The following SLC24A2 variants were observed in gnomAD, a reference collection of about 807,000 sequenced individuals.
SLC24A2 encodes solute carrier family 24 member 2.
SLC24A2 carries 36 observed loss-of-function variants against 62.0 expected under a neutral mutation model. The ratio of observed to expected loss-of-function variants is 0.58; its 90% CI spans 0.44 to 0.77. The LOEUF is 0.77. SLC24A2 is among the 30% of genes least tolerant of loss of function. The pLI is 0.00. For synonymous variants in SLC24A2, 358 were observed against 294.0 expected (o/e 1.22, Z -2.23); for missense variants, 846 against 817.9 (o/e 1.03, Z -0.42).
chr9:19,960,500 C>A, the SLC24A2 span, among the ~76,000 whole-genome samples: 11 of 152,162 alleles, frequency 7.2e-5, no homozygotes, highest in Non-Finnish European at 1.5e-4. Context: ...GAGACTGGAA[C>A]CTTGGGCTGC....
chr9:19,885,819 C>T, the SLC24A2 span, among the ~76,000 whole-genome samples: 1 of 152,098 alleles, frequency 6.6e-6, no homozygotes, highest in South Asian at 2.1e-4. Context: ...CTCATTGTTT[C>T]GGTTCCATTT....
chr9:20,175,115 T>C, the SLC24A2 span, among the ~76,000 whole-genome samples: 4 of 152,010 alleles, frequency 2.6e-5, no homozygotes, highest in East Asian at 1.9e-4. Flanking sequence ...ACTATTATTC[T>C]AAGTGAAGTA....
At chr9:19,667,427 G>C (rs568626578) in intron 2 of SLC24A2, among the ~76,000 whole-genome samples, 2 of 152,212 alleles carry the variant, frequency 1.3e-5, no homozygotes, top group East Asian at 3.9e-4. Flanking sequence ...TATTGCCCAG[G>C]TCTGACTGGT....
the SLC24A2 span, among the ~76,000 whole-genome samples, chr9:20,118,502 C>T: frequency 2.0e-5 from 3 of 151,998 alleles, no homozygotes; most frequent in African/African-American, 7.2e-5. Context: ...ATTGTGGATT[C>T]ACTTCTTATA....
chr9:19,612,697 C>G (rs1390915958), intron 4 of SLC24A2, among the ~76,000 whole-genome samples: 1 of 152,166 alleles, frequency 6.6e-6, no homozygotes, highest in African/African-American at 2.4e-5. Context: ...TGCTCATTCA[C>G]TGCTCATAGT....
chr9:19,602,724 C>A (rs1419957764), intron 4 of SLC24A2, among the ~76,000 whole-genome samples: 1 of 152,180 alleles, frequency 6.6e-6, no homozygotes, highest in Non-Finnish European at 1.5e-5. Context: ...CCATCAGTTT[C>A]TACCTGTGTG....
chr9:19,617,021 T>A (rs1817785870), intron 4 of SLC24A2, among the ~76,000 whole-genome samples: 1 of 151,880 alleles, frequency 6.6e-6, no homozygotes, highest in South Asian at 2.1e-4. Context: ...TGAAATTGAG[T>A]TTGGAGCAAG....
At chr9:20,071,929 G>T in the SLC24A2 span, among the ~76,000 whole-genome samples, 1 of 152,014 alleles carries the variant, frequency 6.6e-6, no homozygotes, top group Non-Finnish European at 1.5e-5. Context: ...TATCATGAAG[G>T]ATATTTAAAA....
chr9:19,565,213 AC>A (rs1441661862), intron 7 of SLC24A2, among the ~76,000 whole-genome samples: 2 of 151,820 alleles, frequency 1.3e-5, no homozygotes, highest in Non-Finnish European at 2.9e-5. Flanking sequence ...TATTTAGAAA[AC>A]CCCATTGTCT....
the SLC24A2 span, among the ~76,000 whole-genome samples, chr9:19,850,043 G>A: frequency 1.3e-5 from 2 of 148,920 alleles, no homozygotes; most frequent in African/African-American, 4.9e-5. Context: ...TTTGTAGGAT[G>A]AATGTTATGT....
chr9:19,609,181 G>A (rs181424093), intron 4 of SLC24A2, among the ~76,000 whole-genome samples: 2 of 152,366 alleles, frequency 1.3e-5, no homozygotes, highest in African/African-American at 4.8e-5. Flanking sequence ...ATGCCAGAAG[G>A]CCACTTACAT....
At chr9:20,010,589 A>G in the SLC24A2 span, among the ~76,000 whole-genome samples, 2 of 152,106 alleles carry the variant, frequency 1.3e-5, no homozygotes, top group Non-Finnish European at 2.9e-5. Flanking sequence ...CAAAAACTGA[A>G]CTGAAAAATT....
At chr9:19,706,412 C>G (rs950819006) in intron 2 of SLC24A2, among the ~76,000 whole-genome samples, 1 of 145,944 alleles carries the variant, frequency 6.9e-6, no homozygotes, top group African/African-American at 2.5e-5. Flanking sequence ...CGGAGTTTCG[C>G]TCTGTCGCCC....
In SLC24A2 at chr9:19,535,662, T is replaced by C. The variant is rs916679414; in HGVS notation, c.1480-7524A>G. 7.9e-5 allele frequency among the ~76,000 whole-genome samples: 12 copies of C among 152,310 alleles called. No individual in the cohort carries two copies. In the South Asian group the frequency reaches 8.3e-4, roughly 11 times the overall value. ...AGGTTTGTCAAAGATTAGATGATTGTAGATGTGTGGTGTTATTTCTGAGGC... is the reference window on the plus strand; with the variant it reads ...AGGTTTGTCAAAGATTAGATGATTGCAGATGTGTGGTGTTATTTCTGAGGC... On this transcript the variant is annotated intron_variant, in intron 8 of 10. Coordinates refer to ENST00000341998, the MANE Select transcript of SLC24A2 (RefSeq NM_020344.4).
chr9:20,059,398 A>C, the SLC24A2 span, among the ~76,000 whole-genome samples: 1 of 152,192 alleles, frequency 6.6e-6, no homozygotes, highest in East Asian at 1.9e-4. Flanking sequence ...CCATATACTA[A>C]ACCATAAAAC....
the SLC24A2 span, among the ~76,000 whole-genome samples, chr9:20,239,137 T>A: frequency 6.6e-6 from 1 of 152,160 alleles, no homozygotes; most frequent in Non-Finnish European, 1.5e-5. Flanking sequence ...CAACATCCTA[T>A]CCAAATAGCC....
chr9:19,906,967 C>A, the SLC24A2 span, among the ~76,000 whole-genome samples: 5 of 152,174 alleles, frequency 3.3e-5, no homozygotes, highest in Admixed American at 6.5e-5. Context: ...TCCTCCCTAA[C>A]TCATTTTATG....
At chr9:19,987,448 T>C in the SLC24A2 span, among the ~76,000 whole-genome samples, 2 of 152,160 alleles carry the variant, frequency 1.3e-5, no homozygotes, top group Non-Finnish European at 2.9e-5. Context: ...TAGTGAGGAT[T>C]GAGTATTATA....
At chr9:19,789,782 T>G (rs1021450868), upstream of SLC24A2, among the ~76,000 whole-genome samples, 2 of 152,156 alleles carry the variant, frequency 1.3e-5, no homozygotes, top group African/African-American at 4.8e-5. Context: ...GAACCCCTTT[T>G]ACCCAACCCT....
Sources: allele counts gnomAD v4.1 joint callset (sites outside exome capture counted in the v4.1 genomes callset), GRCh38; gene constraint gnomAD v4.1.1; transcripts MANE v1.5; gene names NCBI Gene and HGNC (gene_info 2026-07-23, HGNC 2026-07-21).